The following EFNA5 variants were observed in gnomAD, a reference collection of about 807,000 sequenced individuals.
The protein encoded by EFNA5 is ephrin A5.
In EFNA5, 5 loss-of-function variants were observed where a neutral mutation model predicts 22.9. That is an observed-to-expected ratio of 0.22 (90% confidence interval 0.11 to 0.46). The LOEUF is 0.46. Ranked by LOEUF, EFNA5 falls within the 20% of genes least tolerant of loss-of-function variation. The pLI, the probability that EFNA5 is intolerant of heterozygous loss-of-function variation, is 0.99. For synonymous variants in EFNA5, 113 were observed against 112.2 expected (o/e 1.01, Z -0.04); for missense variants, 237 against 293.3 (o/e 0.81, Z 1.40).
At chr5:107,644,714 G>GT (rs1301460981) in intron 1 of EFNA5, among the ~76,000 whole-genome samples, 2 of 151,914 alleles carry the variant, frequency 1.3e-5, no homozygotes, top group Non-Finnish European at 2.9e-5. Context: ...TTTTTTGTTT[G>GT]TTTTTTTGAG....
chr5:107,496,362 CA>C (rs967713711), intron 1 of EFNA5, among the ~76,000 whole-genome samples: 3 of 119,240 alleles, frequency 2.5e-5, no homozygotes, highest in Non-Finnish European at 5.3e-5. Flanking sequence ...AACAAAAAAA[CA>C]AAAAACAACA....
chr5:107,607,216 G>A (rs1177402249), intron 1 of EFNA5, among the ~76,000 whole-genome samples: 1 of 152,210 alleles, frequency 6.6e-6, no homozygotes, highest in Admixed American at 6.5e-5. Context: ...GAACCAGACT[G>A]CTATGACTAA....
intron 1 of EFNA5, among the ~76,000 whole-genome samples, chr5:107,434,031 T>A (rs1297039448): frequency 6.6e-6 from 1 of 152,198 alleles, no homozygotes; most frequent in Non-Finnish European, 1.5e-5. Context: ...ACTTTTCATT[T>A]AGATCTCACC....
At chr5:107,496,492 T>G (rs1746989859) in intron 1 of EFNA5, among the ~76,000 whole-genome samples, 1 of 152,154 alleles carries the variant, frequency 6.6e-6, no homozygotes, top group African/African-American at 2.4e-5. Context: ...AGGATGAGCA[T>G]TTGGCCTTTA....
rs915029409 is a variant in EFNA5 at position 107,501,414 on chromosome 5, A to T, written c.126-73905T>A. On this transcript the variant is annotated intron_variant, in intron 1 of 4. Transcript: ENST00000333274. ...TTAATGATGATCTGCAGTCTTAAAT[A>T]CATTATATACTGTTATATCAGAGAT... Among the ~76,000 whole-genome samples the T allele has an allele frequency of 1.2e-4, 18 of 152,352 alleles. No individual in the cohort carries two copies. The South Asian group carries it at 3.7e-3, about 32-fold the overall frequency.
chr5:107,419,192 C>A (rs887496597), intron 2 of EFNA5, among the ~76,000 whole-genome samples: 2 of 152,172 alleles, frequency 1.3e-5, no homozygotes, highest in Non-Finnish European at 2.9e-5. Context: ...GAGGAAATTA[C>A]AATTAACAGA....
At position 107,491,871 on chromosome 5, in the gene EFNA5, C is replaced by T. The variant is rs538278517; in HGVS notation, c.126-64362G>A. Among the ~76,000 whole-genome samples, 133 of 152,228 alleles carry T rather than the reference C, an allele frequency of 8.7e-4. 1 individual carries two copies. Among genetic ancestry groups the T allele is most frequent in the African/African-American group, 2.7e-3 (113 of 41,534 alleles). On this transcript the variant is annotated intron_variant, in intron 1 of 4. Coordinates refer to ENST00000333274, the MANE Select transcript of EFNA5 (RefSeq NM_001962.3). ...TTTTTGAGACAGAGTCTCACCCTGT[C>T]GCCCAGGCTAGAGTGTGCAGTGGTG... is the stretch of plus-strand genomic sequence containing the variant.
intron 2 of EFNA5, among the ~76,000 whole-genome samples, chr5:107,423,896 T>C (rs1166401413): frequency 6.6e-6 from 1 of 152,188 alleles, no homozygotes; most frequent in Non-Finnish European, 1.5e-5. Flanking sequence ...TAAAGTAAAT[T>C]GGAAACTTCA....
At chr5:107,601,099 A>G (rs1749583510) in intron 1 of EFNA5, among the ~76,000 whole-genome samples, 1 of 152,260 alleles carries the variant, frequency 6.6e-6, no homozygotes, top group Non-Finnish European at 1.5e-5. Context: ...TAGATGAGAT[A>G]CATGCTGAAT....
Position 107,515,243 on chromosome 5 carries a change from G to A in EFNA5, c.126-87734C>T, listed in dbSNP as rs189979834. On this transcript the variant is annotated intron_variant, in intron 1 of 4. Transcript: ENST00000333274. The stretch of plus-strand genomic sequence containing the variant: ...AGTAGAGATGGGGTTCCACCATGTT[G>A]GCCAGGCTGGTCTCAACTCCTGACG... Among the ~76,000 whole-genome samples the A allele has an allele frequency of 5.2e-3, 790 of 151,224 alleles. 8 individuals carry two copies. Among genetic ancestry groups the A allele is most frequent in the African/African-American group, 0.018 (743 of 41,156 alleles).
intron 1 of EFNA5, among the ~76,000 whole-genome samples, chr5:107,529,717 TTTC>T (rs1747770322): frequency 6.6e-6 from 1 of 152,200 alleles, no homozygotes; most frequent in Non-Finnish European, 1.5e-5. Context: ...CTCTCCTATC[TTTC>T]TTGCTTCAAT....
intron 1 of EFNA5, among the ~76,000 whole-genome samples, chr5:107,500,676 T>C (rs983727490): frequency 3.3e-5 from 5 of 152,130 alleles, no homozygotes; most frequent in African/African-American, 4.8e-5. Flanking sequence ...CCTATTTGTG[T>C]ACTGAAGCAC....
intron 1 of EFNA5, among the ~76,000 whole-genome samples, chr5:107,526,973 G>A (rs780866286): frequency 1.3e-5 from 2 of 152,146 alleles, no homozygotes; most frequent in African/African-American, 2.4e-5. Flanking sequence ...GGTACCACAT[G>A]TTTTGATACA....
chr5:107,534,253 A>G (rs1747884161), intron 1 of EFNA5, among the ~76,000 whole-genome samples: 1 of 152,208 alleles, frequency 6.6e-6, no homozygotes, highest in South Asian at 2.1e-4. Flanking sequence ...TTGAGGATGT[A>G]TAAACTATAA....
intron 1 of EFNA5, among the ~76,000 whole-genome samples, chr5:107,553,633 T>C (rs1748347346): frequency 6.6e-6 from 1 of 152,228 alleles, no homozygotes; most frequent in Admixed American, 6.5e-5. Flanking sequence ...AGAGCAATTA[T>C]CTGGCAAGAC....
At chr5:107,458,054 A>C (rs1357179590) in intron 1 of EFNA5, among the ~76,000 whole-genome samples, 1 of 152,128 alleles carries the variant, frequency 6.6e-6, no homozygotes, top group Non-Finnish European at 1.5e-5. Context: ...TTCCCTCTAA[A>C]CCACACTATT....
chr5:107,595,528 G>T (rs910721789), intron 1 of EFNA5, among the ~76,000 whole-genome samples: 2 of 152,120 alleles, frequency 1.3e-5, no homozygotes, highest in African/African-American at 4.8e-5. Context: ...AGAAAAAGAA[G>T]CAATAACTCA....
intron 1 of EFNA5, among the ~76,000 whole-genome samples, chr5:107,542,970 T>C (rs531930644): frequency 1.3e-5 from 2 of 152,246 alleles, no homozygotes; most frequent in Non-Finnish European, 2.9e-5. Context: ...AAAAGTGTTA[T>C]ATTAAAAATA....
intron 1 of EFNA5, among the ~76,000 whole-genome samples, chr5:107,661,756 G>A (rs1394362916): frequency 1.3e-5 from 2 of 152,084 alleles, no homozygotes; most frequent in African/African-American, 2.4e-5. Flanking sequence ...ACATTATTGA[G>A]TTCAGTAAAT....
Sources: allele counts gnomAD v4.1 joint callset (sites outside exome capture counted in the v4.1 genomes callset), GRCh38; gene constraint gnomAD v4.1.1; transcripts MANE v1.5; gene names NCBI Gene and HGNC (gene_info 2026-07-23, HGNC 2026-07-21).